Variants in TFEC observed in about 807,000 individuals in gnomAD.
TFEC encodes transcription factor EC.
TFEC carries 31 observed loss-of-function variants against 41.6 expected under a neutral mutation model. That is an observed-to-expected ratio of 0.74 (90% CI 0.56 to 1.01). TFEC has a LOEUF of 1.01. TFEC is among the 50% of genes least tolerant of loss of function. The pLI, the probability that TFEC is intolerant of heterozygous loss-of-function variation, is 0.00. For synonymous variants in TFEC, 143 were observed against 140.6 expected (o/e 1.02, Z -0.12); for missense variants, 402 against 404.1 (o/e 0.99, Z 0.04).
intron 1 of TFEC, among the ~76,000 whole-genome samples, chr7:116,138,309 A>G (rs1798472898): frequency 6.6e-6 from 1 of 152,206 alleles, no homozygotes. Context: ...TGATTTTTTC[A>G]TAAGCATGAT....
chr7:115,973,977 T>C (rs978295974), intron 3 of TFEC, among the ~76,000 whole-genome samples, 193 bp downstream of exon 3: 10 of 151,990 alleles, frequency 6.6e-5, no homozygotes, highest in Non-Finnish European at 1.3e-4. Flanking sequence ...AGAGAGAGAT[T>C]AGTACAAGCA....
intron 3 of TFEC, among the ~76,000 whole-genome samples, chr7:116,093,772 T>C (rs1038464609): frequency 6.6e-6 from 1 of 152,140 alleles, no homozygotes; most frequent in African/African-American, 2.4e-5. Flanking sequence ...GTTAGGAAAA[T>C]ATATTCATAG....
At chr7:116,015,035 T>C (rs1328706795) in intron 1 of TFEC, among the ~76,000 whole-genome samples, 1 of 151,776 alleles carries the variant, frequency 6.6e-6, no homozygotes, top group Non-Finnish European at 1.5e-5. Flanking sequence ...CCACTGAGTT[T>C]GTGGTAATTT....
In TFEC at chr7:116,150,211, G is replaced by GT. The variant is rs202071072; in HGVS notation, c.-69+9578dup. Among the ~76,000 whole-genome samples, 457 of 152,096 alleles carry GT rather than the reference G, an allele frequency of 3.0e-3. 4 individuals carry two copies. Among genetic ancestry groups the GT allele is most frequent in the African/African-American group, 0.011 (442 of 41,526 alleles). On this transcript the variant is annotated intron_variant, in intron 1 of 8. Coordinates refer to the TFEC transcript ENST00000484212. ...CTTTCATAGTTTTACTACTAGTCTT[G>GT]TATTTCTTACTTAAAATTGCTCAGT...
At chr7:116,128,413 CAAT>C (rs1562979791) in intron 1 of TFEC, among the ~76,000 whole-genome samples, 4 of 152,072 alleles carry the variant, frequency 2.6e-5, no homozygotes, top group Non-Finnish European at 5.9e-5. Context: ...TCTACACATA[CAAT>C]AACTAAAAGA....
At chr7:115,986,888 C>A (rs1562913813) in intron 1 of TFEC, among the ~76,000 whole-genome samples, 1 of 149,748 alleles carries the variant, frequency 6.7e-6, no homozygotes, top group Non-Finnish European at 1.5e-5. Context: ...TGCACATGTA[C>A]CCTAGAACTT....
intron 3 of TFEC, among the ~76,000 whole-genome samples, chr7:115,968,026 A>T (rs1021496381): frequency 2.0e-5 from 3 of 151,786 alleles, no homozygotes; most frequent in Admixed American, 1.3e-4. Context: ...TCTTGTAAGT[A>T]AGCATGCTTG....
At chr7:116,056,248 C>T (rs1172658654) in intron 3 of TFEC, among the ~76,000 whole-genome samples, 1 of 151,894 alleles carries the variant, frequency 6.6e-6, no homozygotes, top group Non-Finnish European at 1.5e-5. Context: ...TAGAGACTTT[C>T]CAGACTGTGA....
chr7:115,988,194 G>A (rs940490103), intron 1 of TFEC, among the ~76,000 whole-genome samples: 1 of 151,856 alleles, frequency 6.6e-6, no homozygotes, highest in African/African-American at 2.4e-5. Context: ...ATACTAAAAG[G>A]CTAAAAAACA....
At chr7:116,074,743 A>C (rs1157223432) in intron 3 of TFEC, among the ~76,000 whole-genome samples, 1 of 152,192 alleles carries the variant, frequency 6.6e-6, no homozygotes, top group African/African-American at 2.4e-5. Context: ...CATGTGCACC[A>C]GTAATCACAT....
intron 1 of TFEC, chr7:116,157,391 G>A (rs1194669281): frequency 1.3e-5 from 2 of 150,330 alleles, no homozygotes; most frequent in East Asian, 2.0e-4. Flanking sequence ...AAATAAGTAA[G>A]CACAAATAAC....
intron 3 of TFEC, among the ~76,000 whole-genome samples, chr7:116,064,855 T>C (rs1796656836): frequency 6.6e-6 from 1 of 152,156 alleles, no homozygotes; most frequent in Non-Finnish European, 1.5e-5. Flanking sequence ...CAGGTACCCC[T>C]GAAAATAAGA....
At chr7:116,086,653 A>C (rs193095411) in intron 3 of TFEC, among the ~76,000 whole-genome samples, 1 of 151,846 alleles carries the variant, frequency 6.6e-6, no homozygotes, top group Non-Finnish European at 1.5e-5. Flanking sequence ...GCAAAGTGAC[A>C]ATATGAATAC....
At position 116,048,326 on chromosome 7, in the gene TFEC, T is replaced by A. The variant is rs139255681; in HGVS notation, c.198+62382A>T. On this transcript the variant is annotated intron_variant, in intron 3 of 8. Coordinates refer to the TFEC transcript ENST00000484212. ...TGAAAACCATGGCACCAGAACTACG[T>A]GTTGCACACACAAGCTTCAGTAACT... Among the ~76,000 whole-genome samples the A allele has an allele frequency of 9.4e-4, 143 of 152,370 alleles. 1 individual carries two copies. Among genetic ancestry groups the A allele is most frequent in the Admixed American group, 9.8e-4 (15 of 15,304 alleles).
chr7:116,029,771 C>A (rs17302018), intron 1 of TFEC, among the ~76,000 whole-genome samples: 9,753 of 151,924 alleles, frequency 0.064, 428 homozygotes, highest in Non-Finnish European at 0.086. Flanking sequence ...TACTACAACT[C>A]TTTTGATTAT....
intron 1 of TFEC, among the ~76,000 whole-genome samples, chr7:116,010,126 G>A (rs868089029): frequency 8.5e-5 from 13 of 152,268 alleles, no homozygotes; most frequent in Middle Eastern, 3.4e-3. Flanking sequence ...AAAGGATAAT[G>A]GAGCTAGAGC....
At chr7:115,944,242 T>C (rs1226777138) in intron 6 of TFEC, among the ~76,000 whole-genome samples, 1 of 151,250 alleles carries the variant, frequency 6.6e-6, no homozygotes, top group African/African-American at 2.4e-5. Context: ...AATAATACTT[T>C]TAACTTTCTA....
At chr7:116,079,099 C>T (rs557399013) in intron 3 of TFEC, among the ~76,000 whole-genome samples, 15 of 151,920 alleles carry the variant, frequency 9.9e-5, no homozygotes, top group South Asian at 8.3e-4. Flanking sequence ...TCTCCATAGA[C>T]GCAGGAAAAA....
At chr7:115,992,871 T>A (rs1204034278) in intron 1 of TFEC, among the ~76,000 whole-genome samples, 2 of 152,186 alleles carry the variant, frequency 1.3e-5, no homozygotes, top group African/African-American at 4.8e-5. Flanking sequence ...AGCATCATCC[T>A]GATACCAAAG....
Sources: gnomAD v4.1 joint callset for allele counts (sites outside exome capture counted in the v4.1 genomes callset) on GRCh38, gnomAD v4.1.1 for gene constraint, MANE v1.5 for transcripts, NCBI Gene and HGNC (gene_info 2026-07-23, HGNC 2026-07-21) for gene names.